EML2: variants seen among roughly 807,000 people sequenced by gnomAD.
EML2 encodes echinoderm microtubule-associated protein-like 2.
EML2 carries 59 observed loss-of-function variants against 84.7 expected under a neutral mutation model. The ratio of observed to expected loss-of-function variants is 0.70; its 90% CI spans 0.56 to 0.86. The LOEUF (loss-of-function observed/expected upper bound fraction) is 0.86. Ranked by LOEUF, EML2 falls within the 40% of genes least tolerant of loss-of-function variation. The pLI, the probability that EML2 is intolerant of heterozygous loss-of-function variation, is 0.00. For missense variants in EML2, 818 were observed against 855.6 expected (o/e 0.96, Z 0.55); for synonymous variants, 352 against 348.9 (o/e 1.01, Z -0.10).
At position 45,624,821 on chromosome 19, in the gene EML2, A is replaced by G; in HGVS notation, c.742-3T>C. The G allele has an allele frequency of 6.2e-7, 1 of 1,607,096 alleles. No individual in the cohort carries two copies. The highest frequency in any genetic ancestry group is 8.5e-7 in the Non-Finnish European group (1 of 1,176,088). On this transcript the variant is annotated splice_polypyrimidine_tract_variant and splice_region_variant and intron_variant, in intron 8 of 18. Coordinates refer to ENST00000245925, the MANE Select transcript of EML2 (RefSeq NM_012155.4). ...ACATACTTCGGTTTCTCATGTTTCTAAGGTGGGGGAGGAAAGGAAGGTGTC... is the reference window on the plus strand; with the variant it reads ...ACATACTTCGGTTTCTCATGTTTCTGAGGTGGGGGAGGAAAGGAAGGTGTC...
At chr19:45,618,526 C>T (rs565276655) in intron 12 of EML2, among the ~76,000 whole-genome samples, 7 of 152,168 alleles carry the variant, frequency 4.6e-5, no homozygotes, top group African/African-American at 1.2e-4. Flanking sequence ...CTCCTCATGG[C>T]GGCACCCCTG....
intron 3 of EML2, among the ~76,000 whole-genome samples, chr19:45,635,155 G>A (rs1047132601): frequency 1.1e-4 from 17 of 151,270 alleles, no homozygotes; most frequent in African/African-American, 3.9e-4. Flanking sequence ...GGCCTGTTTT[G>A]TTTTTTTAAG....
intron 15 of EML2, 185 bp downstream of exon 15, chr19:45,616,276 T>C: frequency 1.7e-6 from 1 of 574,122 alleles, no homozygotes; most frequent in South Asian, 2.2e-5. Flanking sequence ...GGGGCGGGGC[T>C]ACACAAAGGG....
intron 6 of EML2, 36 bp from the exon 7 acceptor site, chr19:45,630,082 G>A (rs1269401294): frequency 1.3e-6 from 2 of 1,509,512 alleles, no homozygotes; most frequent in African/African-American, 1.4e-5. Context: ...ACAGAGGCAA[G>A]GGGAGTCAGG....
rs188496855 is a variant in EML2, at chr19:45,613,555, A to G, written c.1810T>C (p.Cys604Arg). Residue 604 changes from cysteine (C) to arginine (R), a missense_variant, in exon 18 of 19, where the codon TGC (cysteine) becomes CGC (arginine). Physicochemically the swap from Cys to Arg is radical, Grantham distance 180. Coordinates refer to ENST00000245925, the MANE Select transcript of EML2 (RefSeq NM_012155.4). ...AAGGGACTCACTCGAGGCTGACAGC[A>G]GGGGTAGCTAAACAGGTGAACTTTG... is the stretch of plus-strand genomic sequence containing the variant. Reference protein sequence around the residue: ...FGKVHLFSYPCCQPRALSHKY... With the variant: ...FGKVHLFSYPRCQPRALSHKY... The G allele has an allele frequency of 9.3e-6, 15 of 1,614,034 alleles. 2 individuals carry two copies. In the Admixed American group the frequency reaches 2.2e-4, roughly 23 times the overall value.
At chr19:45,638,307 A>G (rs1340560237) in intron 3 of EML2, among the ~76,000 whole-genome samples, 198 bp downstream of exon 3, 1 of 152,054 alleles carries the variant, frequency 6.6e-6, no homozygotes, top group East Asian at 1.9e-4. Flanking sequence ...TTTTTGCTCA[A>G]ATGCACCAAT....
intron 3 of EML2, among the ~76,000 whole-genome samples, chr19:45,635,930 C>T (rs896660471): frequency 6.6e-6 from 1 of 151,940 alleles, no homozygotes; most frequent in African/African-American, 2.4e-5. Context: ...GCAAATGTGA[C>T]CTTACAAGGA....
chr19:45,625,276 C>T (rs1431941171), intron 8 of EML2, among the ~76,000 whole-genome samples: 1 of 151,940 alleles, frequency 6.6e-6, no homozygotes, highest in Admixed American at 6.6e-5. Flanking sequence ...GAGTCTCGCT[C>T]TGTCACCAGG....
intron 1 of EML2, 87 bp from the exon 2 acceptor site, chr19:45,638,960 C>G: frequency 6.6e-7 from 1 of 1,504,124 alleles, no homozygotes; most frequent in East Asian, 2.3e-5. Flanking sequence ...CCACCGCTCC[C>G]CGGAGGTCTC....
intron 3 of EML2, 94 bp from the exon 4 acceptor site, chr19:45,634,565 T>G: frequency 2.1e-6 from 2 of 968,328 alleles, no homozygotes; most frequent in Non-Finnish European, 2.6e-6. Flanking sequence ...AATTTTTTTA[T>G]TTATTTATTT....
At chr19:45,642,540 T>C, upstream of EML2, 1 of 1,402,994 alleles carries the variant, frequency 7.1e-7, no homozygotes, top group Non-Finnish European at 9.2e-7. Context: ...TCCCCACAGC[T>C]CTCCAACCCA....
At chr19:45,611,542 G>A (rs938796820) in intron 18 of EML2, among the ~76,000 whole-genome samples, 1 of 151,936 alleles carries the variant, frequency 6.6e-6, no homozygotes, top group Non-Finnish European at 1.5e-5. Flanking sequence ...CTGGAGTGCA[G>A]TGGTGCAATC....
intron 9 of EML2, among the ~76,000 whole-genome samples, chr19:45,622,776 G>A (rs1178672747): frequency 1.3e-5 from 2 of 152,162 alleles, no homozygotes; most frequent in Non-Finnish European, 2.9e-5. Flanking sequence ...GGCCGGGTTC[G>A]GTGGCTCATG....
At chr19:45,637,739 C>T (rs958674853) in intron 3 of EML2, among the ~76,000 whole-genome samples, 4 of 133,234 alleles carry the variant, frequency 3.0e-5, no homozygotes, top group South Asian at 2.4e-4. Flanking sequence ...AGCAGTGGGG[C>T]AATCTCGGCT....
rs1600040353 is a variant in EML2, at chr19:45,609,539, A to C, written c.*124T>G. 1 of 989,954 alleles carries C rather than the reference A, an allele frequency of 1.0e-6. No individual in the cohort carries two copies. The allele number at this position is 989,954 out of a possible 1,614,324, so 61.3% of individuals were successfully genotyped here. ...AATAGAGACTTCTGTATGTCAGTCT[A>C]CCCTCCCGCCCCCATAACCCCCTCT... On this transcript the variant is annotated 3_prime_UTR_variant, in exon 19 of 19. Coordinates refer to ENST00000245925, the MANE Select transcript of EML2 (RefSeq NM_012155.4).
Position 45,626,690 on chromosome 19 carries a change from A to T in EML2, c.741+15T>A, listed in dbSNP as rs779489265. The T allele has an allele frequency of 1.2e-6, 2 of 1,602,020 alleles. No homozygotes were observed. Among genetic ancestry groups the T allele is most frequent in the Non-Finnish European group, 1.7e-6 (2 of 1,171,310 alleles). On this transcript the variant is annotated intron_variant, in intron 8 of 18. Coordinates refer to ENST00000245925, the MANE Select transcript of EML2 (RefSeq NM_012155.4). ...CTCTCAGGGCCAGCCTGTCCCCCAA[A>T]CCCCTGGCACTCACCTCAAAGAGGC...
In EML2 at chr19:45,630,008, A is replaced by G. The variant is rs780966098; in HGVS notation, c.549T>C (p.Asn183=). The G allele has an allele frequency of 3.1e-6, 5 of 1,613,494 alleles. No individual in the cohort carries two copies. Among genetic ancestry groups the G allele is most frequent in the Non-Finnish European group, 4.2e-6 (5 of 1,179,664 alleles). ...GNLLCAVDES[N]DHMLSVWDWA... The stretch of plus-strand genomic sequence containing the variant: ...AGTCCCACACCGAGAGCATGTGATC[A>G]TTGGATTCATCCACTGCACACAGCA... Residue 183 remains asparagine (N), a synonymous_variant, in exon 7 of 19, where the codon AAT becomes AAC. Transcript: ENST00000245925.
chr19:45,639,184 C>G, intron 1 of EML2, 173 bp downstream of exon 1: 1 of 758,790 alleles, frequency 1.3e-6, no homozygotes, highest in Non-Finnish European at 2.1e-6. Context: ...CAGCGCCCCC[C>G]ACCCGCAGTT....
chr19:45,616,441 G>C lies in EML2; in HGVS notation c.1509+20C>G, dbSNP rs1279278690. 88 of 1,561,806 alleles carry C rather than the reference G, an allele frequency of 5.6e-5. No homozygotes were observed. Among genetic ancestry groups the C allele is most frequent in the Non-Finnish European group, 7.7e-5 (88 of 1,146,328 alleles). On this transcript the variant is annotated intron_variant, in intron 15 of 18. Coordinates refer to ENST00000245925, the MANE Select transcript of EML2 (RefSeq NM_012155.4). ...CCTGGGCGGGGTGGCGGCGCGGGCT[G>C]GGGGCCACTGCCCACTCACCGAGCA...
Sources: allele counts gnomAD v4.1 joint callset (sites outside exome capture counted in the v4.1 genomes callset), GRCh38; gene constraint gnomAD v4.1.1; transcripts MANE v1.5; gene names NCBI Gene and HGNC (gene_info 2026-07-23, HGNC 2026-07-21).